The following SLIT3 variants were observed in gnomAD, a reference collection of about 807,000 sequenced individuals.
The protein encoded by SLIT3 is slit homolog 3 protein.
A neutral mutation model predicts 184.0 loss-of-function variants in SLIT3; 68 were observed. The ratio of observed to expected loss-of-function variants is 0.37; its 90% CI spans 0.30 to 0.45. The LOEUF is 0.45. Ranked by LOEUF, SLIT3 falls within the 20% of genes least tolerant of loss-of-function variation. The probability of loss-of-function intolerance (pLI) is 1.00; values close to 1 mark genes in which losing one functional copy is unlikely to be tolerated. For synonymous variants in SLIT3, 831 were observed against 828.6 expected, an observed-to-expected ratio of 1.00 and a Z score of -0.05; for missense variants, 1,707 against 2,026.0, an observed-to-expected ratio of 0.84 and a Z score of 3.02.
intron 4 of SLIT3, among the ~76,000 whole-genome samples, chr5:168,956,375 A>C (rs151024408): frequency 2.3e-4 from 35 of 152,342 alleles, no homozygotes; most frequent in African/African-American, 7.2e-4. Flanking sequence ...AAAACTGTCT[A>C]CATTTATGTA....
intron 5 of SLIT3, among the ~76,000 whole-genome samples, chr5:168,860,670 A>G (rs987996056): frequency 1.3e-5 from 2 of 152,114 alleles, no homozygotes; most frequent in African/African-American, 4.8e-5. Flanking sequence ...CACCAGCTGT[A>G]TCTAGCTCAC....
At chr5:169,178,935 G>T (rs1166873290) in intron 4 of SLIT3, among the ~76,000 whole-genome samples, 1 of 152,186 alleles carries the variant, frequency 6.6e-6, no homozygotes, top group Admixed American at 6.5e-5. Flanking sequence ...TGCAATGTGG[G>T]TGACGGGCCC....
At chr5:169,197,026 T>C (rs527789161) in intron 3 of SLIT3, among the ~76,000 whole-genome samples, 1 of 152,148 alleles carries the variant, frequency 6.6e-6, no homozygotes. Context: ...CTGTCTTCAG[T>C]GAGTAGGGTG....
At chr5:169,105,664 G>T (rs1760176102) in intron 4 of SLIT3, among the ~76,000 whole-genome samples, 2 of 152,196 alleles carry the variant, frequency 1.3e-5, no homozygotes, top group African/African-American at 4.8e-5. Context: ...AGATTCATCT[G>T]TTCTCATTGT....
chr5:169,115,624 G>A (rs1296385232), intron 4 of SLIT3, among the ~76,000 whole-genome samples: 3 of 152,060 alleles, frequency 2.0e-5, no homozygotes, highest in Non-Finnish European at 4.4e-5. Context: ...CAGAATTCCT[G>A]GTCGTCAACA....
At chr5:169,140,400 T>C (rs1294234968) in intron 4 of SLIT3, among the ~76,000 whole-genome samples, 4 of 139,564 alleles carry the variant, frequency 2.9e-5, no homozygotes, top group African/African-American at 1.1e-4. Flanking sequence ...GAATTGCTTG[T>C]ACCTGGGAGG....
chr5:168,962,325 C>CACACACACACACACACACAT, intron 4 of SLIT3, among the ~76,000 whole-genome samples: 1 of 151,512 alleles, frequency 6.6e-6, no homozygotes, highest in Non-Finnish European at 1.5e-5. Flanking sequence ...CACACACACA[C>CACACACACACACACACACAT]ACACACACAC....
intron 4 of SLIT3, among the ~76,000 whole-genome samples, chr5:168,981,105 C>A (rs538969581): frequency 6.6e-6 from 1 of 152,286 alleles, no homozygotes; most frequent in East Asian, 1.9e-4. Context: ...AAATATTCAA[C>A]ATTCACATGC....
At chr5:169,163,500 A>G (rs187307560) in intron 4 of SLIT3, among the ~76,000 whole-genome samples, 28 of 152,276 alleles carry the variant, frequency 1.8e-4, no homozygotes, top group African/African-American at 6.7e-4. Context: ...TGTTTAATCA[A>G]TGGGTGTTTG....
chr5:168,669,890 T>C lies in SLIT3; in HGVS notation c.4229A>G (p.Asn1410Ser), dbSNP rs201079525. 4.6e-5 allele frequency: 75 copies of C among 1,614,206 alleles called. No homozygotes were observed. Among genetic ancestry groups the C allele is most frequent in the African/African-American group, 1.5e-4 (11 of 75,062 alleles). Reference protein sequence around the residue: ...DLCDNKNDSANACSAFKCHHG... With the variant: ...DLCDNKNDSASACSAFKCHHG... ...GTGACACTTGAAGGCTGAGCAGGCA[T>C]TGGCAGAGTCATTCTTGTTGTCACA... is the stretch of plus-strand genomic sequence containing the variant. Residue 1410 changes from asparagine to serine, a missense_variant, in exon 35 of 36, where the codon AAT becomes AGT. Asn to Ser is a conservative substitution (Grantham distance 46). Coordinates refer to ENST00000519560, the MANE Select transcript of SLIT3 (RefSeq NM_003062.4).
intron 8 of SLIT3, among the ~76,000 whole-genome samples, chr5:168,815,569 G>A (rs1049926629): frequency 3.3e-5 from 5 of 152,170 alleles, no homozygotes; most frequent in Admixed American, 6.5e-5. Context: ...GTGATAAATG[G>A]TTTTATTATA....
intron 5 of SLIT3, among the ~76,000 whole-genome samples, chr5:168,860,979 C>A (rs1236180054): frequency 1.3e-5 from 2 of 152,128 alleles, no homozygotes; most frequent in African/African-American, 2.4e-5. Flanking sequence ...ATGGCATTGA[C>A]CTCTCTGTAT....
At chr5:169,215,659 T>TC (rs1561744553) in intron 3 of SLIT3, among the ~76,000 whole-genome samples, 1 of 152,150 alleles carries the variant, frequency 6.6e-6, no homozygotes, top group African/African-American at 2.4e-5. Flanking sequence ...CTGCTTGCCA[T>TC]CCCCTGCCCA....
intron 20 of SLIT3, among the ~76,000 whole-genome samples, chr5:168,726,752 C>G (rs1763143422): frequency 6.6e-6 from 1 of 151,888 alleles, no homozygotes; most frequent in South Asian, 2.1e-4. Context: ...GCATGTGGAT[C>G]ATTTGAGGTC....
intron 4 of SLIT3, among the ~76,000 whole-genome samples, chr5:168,918,726 A>G (rs985059234): frequency 6.6e-6 from 1 of 152,196 alleles, no homozygotes; most frequent in Admixed American, 6.5e-5. Flanking sequence ...AGGAAAGGAG[A>G]CATTACAGCT....
intron 17 of SLIT3, 25 bp from the exon 18 acceptor site, chr5:168,753,123 GAGAGCAC>G (rs778719225): frequency 2.5e-6 from 4 of 1,612,788 alleles, no homozygotes; most frequent in Non-Finnish European, 3.4e-6. Flanking sequence ...GTGGGGATGA[GAGAGCAC>G]AGGCATGATC....
At chr5:169,114,025 T>C (rs1234492463) in intron 4 of SLIT3, among the ~76,000 whole-genome samples, 1 of 152,194 alleles carries the variant, frequency 6.6e-6, no homozygotes, top group Non-Finnish European at 1.5e-5. Context: ...AAGCACTCAA[T>C]AAGCGTCAGC....
intron 4 of SLIT3, among the ~76,000 whole-genome samples, chr5:169,078,905 AGACTTGGAG>A (rs1310675617): frequency 6.6e-6 from 1 of 152,248 alleles, no homozygotes; most frequent in East Asian, 1.9e-4. Context: ...AAATAAACTA[AGACTTGGAG>A]GAATTAATTA....
intron 4 of SLIT3, among the ~76,000 whole-genome samples, chr5:169,091,759 C>T (rs893186282): frequency 2.6e-5 from 4 of 152,160 alleles, no homozygotes; most frequent in South Asian, 2.1e-4. Flanking sequence ...TGCAAAGCCT[C>T]GTGGCGAAGC....
Sources: allele counts gnomAD v4.1 joint callset (sites outside exome capture counted in the v4.1 genomes callset), GRCh38; gene constraint gnomAD v4.1.1; transcripts MANE v1.5; gene names NCBI Gene and HGNC (gene_info 2026-07-23, HGNC 2026-07-21).